EDNRB: variants seen among roughly 807,000 people sequenced by gnomAD.
EDNRB encodes the protein Hirschsprung disease 2.
In EDNRB, 18 loss-of-function variants were observed where a neutral mutation model predicts 46.4. The ratio of observed to expected loss-of-function variants is 0.39; its 90% CI spans 0.27 to 0.57. The LOEUF (loss-of-function observed/expected upper bound fraction) is 0.57, where lower values mean the gene tolerates loss of function less well. Among genes scored for constraint, EDNRB ranks in the 20% least tolerant of loss-of-function variants. The probability of loss-of-function intolerance (pLI) is 0.61; values close to 1 mark genes in which losing one functional copy is unlikely to be tolerated. For synonymous variants in EDNRB, 213 were observed against 204.9 expected (o/e 1.04, Z -0.34); for missense variants, 434 against 537.5 (o/e 0.81, Z 1.90).
intron 5 of EDNRB, 134 bp downstream of exon 5, chr13:77,900,387 A>G (rs1332859091): frequency 2.4e-6 from 3 of 1,247,844 alleles, no homozygotes; most frequent in Non-Finnish European, 3.4e-6. Context: ...GACCTCAGAT[A>G]AAAATTGGGA....
At chr13:77,941,910 G>A (rs1452634896) in intron 1 of EDNRB, among the ~76,000 whole-genome samples, 1 of 152,218 alleles carries the variant, frequency 6.6e-6, no homozygotes, top group East Asian at 1.9e-4. Context: ...ATAAACATCA[G>A]TGCAGAGAGA....
In EDNRB at chr13:77,897,566, G is replaced by T. The variant is rs1452318300; in HGVS notation, c.*634C>A. ...TGTTGGTTACATATTGCAGAATGCT[G>T]AGGTTTGGGCTTCTAGTGAAAGTGT... On this transcript the variant is annotated 3_prime_UTR_variant, in exon 7 of 7. Coordinates refer to ENST00000646607, the MANE Select transcript of EDNRB (RefSeq NM_001122659.3). 9 of 985,194 alleles carry T rather than the reference G, an allele frequency of 9.1e-6. No individual in the cohort carries two copies. Among genetic ancestry groups the T allele is most frequent in the Non-Finnish European group, 1.1e-5 (9 of 829,948 alleles). The allele number at this position is 985,194 out of a possible 1,614,324, so 61.0% of individuals were successfully genotyped here. A position where few individuals can be genotyped will look rare whatever the true frequency, so the allele number is the denominator to read the frequency against.
chr13:77,906,636 A>G (rs1026563872), intron 1 of EDNRB, among the ~76,000 whole-genome samples: 1 of 151,994 alleles, frequency 6.6e-6, no homozygotes, highest in African/African-American at 2.4e-5. Context: ...AACATCAAGC[A>G]CTAATTTGCC....
In EDNRB at chr13:77,918,113, T is replaced by C. The variant is rs746343092; in HGVS notation, c.461A>G (p.Asp154Gly). 6 of 1,614,180 alleles carry C rather than the reference T, an allele frequency of 3.7e-6. No homozygotes were observed. Among genetic ancestry groups the C allele is most frequent in the Non-Finnish European group, 5.1e-6 (6 of 1,180,030 alleles). Residue 154 changes from aspartate to glycine, a missense_variant, in exon 1 of 7, where the codon GAC becomes GGC. Asp to Gly is a moderately conservative substitution (Grantham distance 94, BLOSUM62 -1). Coordinates refer to ENST00000646607, the MANE Select transcript of EDNRB (RefSeq NM_001122659.3). The surrounding 1 kb of genome is among the most constrained non-coding windows in gnomAD (Gnocchi z 4.5). ...ALGDLLHIVI[D>G]IPINVYKLLA... Reference sequence around the variant, plus strand: ...TACCTTGTAGACATTGATAGGGATGTCAATGACGATGTGCAGCAGGTCTCC... The same window carrying C: ...TACCTTGTAGACATTGATAGGGATGCCAATGACGATGTGCAGCAGGTCTCC...
chr13:77,930,109 CT>C (rs113260662), intron 1 of EDNRB, among the ~76,000 whole-genome samples: 23 of 150,894 alleles, frequency 1.5e-4, no homozygotes, highest in African/African-American at 5.4e-4. Flanking sequence ...GTTGGATTGC[CT>C]TTTTTTTTGA....
intron 1 of EDNRB, among the ~76,000 whole-genome samples, chr13:77,944,218 A>G (rs1228159274): frequency 1.3e-5 from 2 of 152,162 alleles, no homozygotes; most frequent in Non-Finnish European, 2.9e-5. Flanking sequence ...GCTCAGTGTA[A>G]GCAATAATGC....
chr13:77,898,186 G>T lies in EDNRB; in HGVS notation c.*14C>A. ...CAATATAAAGAAAATGAAATACAGT[G>T]AATAGTTCTTCTTTCAAGATGAGCT... On this transcript the variant is annotated 3_prime_UTR_variant, in exon 7 of 7. Transcript: ENST00000646607. 6.2e-7 allele frequency: 1 copy of T among 1,610,312 alleles called. No homozygotes were observed.
chr13:77,917,972 AG>A (rs1317573755), intron 1 of EDNRB, 118 bp downstream of exon 1: 2 of 1,478,348 alleles, frequency 1.4e-6, no homozygotes, highest in Non-Finnish European at 9.3e-7. Flanking sequence ...GACTTTTAGG[AG>A]GGGCAGAACC....
Position 77,942,859 on chromosome 13 carries a change from T to C in EDNRB, c.-51-24235A>G, listed in dbSNP as rs532384499. Among the ~76,000 whole-genome samples, 4 of 152,266 alleles carry C rather than the reference T, an allele frequency of 2.6e-5. No individual in the cohort carries two copies. In the South Asian group the frequency reaches 8.3e-4, roughly 32 times the overall value. Reference sequence around the variant, plus strand: ...TTTCTAAATTATATAGGCTTTTTCTTAACAGATTCAATTATTCTTAAAGTA... The same window carrying C: ...TTTCTAAATTATATAGGCTTTTTCTCAACAGATTCAATTATTCTTAAAGTA... On this transcript the variant is annotated intron_variant, in intron 1 of 7. Transcript: ENST00000646948.
chr13:77,909,137 G>T (rs151058155), intron 1 of EDNRB, among the ~76,000 whole-genome samples: 190 of 152,100 alleles, frequency 1.2e-3, no homozygotes, highest in African/African-American at 4.3e-3. Context: ...TTGAAAAAAG[G>T]TGTGGCCATA....
At chr13:77,904,158 C>T (rs1566308038) in intron 1 of EDNRB, among the ~76,000 whole-genome samples, 1 of 151,856 alleles carries the variant, frequency 6.6e-6, no homozygotes, top group Non-Finnish European at 1.5e-5. Context: ...CACATTCCTA[C>T]TTAGGGCTTT....
chr13:77,905,331 C>T (rs1293204818), intron 1 of EDNRB, among the ~76,000 whole-genome samples: 1 of 151,910 alleles, frequency 6.6e-6, no homozygotes, highest in East Asian at 1.9e-4. Context: ...ATATGAATCT[C>T]ACAATTTATT....
Position 77,901,129 on chromosome 13 carries a change from T to C in EDNRB, c.880A>G (p.Thr294Ala). The change falls in exon 4 of 7, where the codon ACA becomes GCA. Residue 294 changes from threonine (T) to alanine (A), a missense_variant. Transcript: ENST00000646607. The stretch of plus-strand genomic sequence containing the variant: ...CTCAACATTTCACAGGTCATTAGTG[T>C]ATAAAAAAATGCAGTGATGGCCAAT... ...LPLAITAFFY[T>A]LMTCEMLRKK... 1.2e-6 allele frequency: 2 copies of C among 1,611,512 alleles called. 1 individual carries two copies. Among genetic ancestry groups the C allele is most frequent in the South Asian group, 2.2e-5 (2 of 91,036 alleles).
chr13:77,917,400 G>A (rs1195639242), intron 1 of EDNRB, among the ~76,000 whole-genome samples: 1 of 152,190 alleles, frequency 6.6e-6, no homozygotes, highest in Non-Finnish European at 1.5e-5. Flanking sequence ...CTACTCACCA[G>A]TCTGGATCTC....
upstream of EDNRB, among the ~76,000 whole-genome samples, chr13:77,924,690 G>T (rs1880182408): frequency 6.6e-6 from 1 of 152,100 alleles, no homozygotes; most frequent in African/African-American, 2.4e-5. Context: ...GATATGGTTT[G>T]GTTCTGTGTC....
chr13:77,917,064 C>T (rs981761911), intron 1 of EDNRB, among the ~76,000 whole-genome samples: 12 of 152,196 alleles, frequency 7.9e-5, no homozygotes, highest in South Asian at 2.1e-4. Context: ...TTTCTACTGA[C>T]GCCCATGGTA....
upstream of EDNRB, chr13:77,919,677 T>C: frequency 6.7e-7 from 1 of 1,492,398 alleles, no homozygotes; most frequent in Non-Finnish European, 9.1e-7. Context: ...GCTGCAACCT[T>C]TCCCCTTGGG....
At chr13:77,964,173 G>A (rs530012861) in intron 1 of EDNRB, among the ~76,000 whole-genome samples, 2 of 152,266 alleles carry the variant, frequency 1.3e-5, no homozygotes, top group South Asian at 2.1e-4. Flanking sequence ...ATTGTTGGTG[G>A]GGCTGTAAAC....
intron 5 of EDNRB, 93 bp downstream of exon 5, chr13:77,900,428 T>C (rs1878901398): frequency 1.3e-6 from 2 of 1,570,720 alleles, no homozygotes; most frequent in Non-Finnish European, 1.7e-6. Context: ...GTTAGAAAAA[T>C]GGTAGTCTGT....
Sources: allele counts gnomAD v4.1 joint callset (sites outside exome capture counted in the v4.1 genomes callset), GRCh38; gene constraint gnomAD v4.1.1; non-coding constraint Gnocchi (gnomAD v3.1); transcripts MANE v1.5; gene names NCBI Gene and HGNC (gene_info 2026-07-23, HGNC 2026-07-21).